Variants in EML5 observed in about 807,000 individuals in gnomAD.
The protein encoded by EML5 is echinoderm microtubule-associated protein-like 5.
Under a neutral mutation model 250.0 loss-of-function variants are expected in EML5, and 120 were observed. That is an observed-to-expected ratio of 0.48 (90% CI 0.41 to 0.56). EML5 has a LOEUF of 0.56. Among genes scored for constraint, EML5 ranks in the 20% least tolerant of loss-of-function variants. The probability of loss-of-function intolerance (pLI) is 0.00; values close to 1 mark genes in which losing one functional copy is unlikely to be tolerated. For synonymous variants in EML5, 771 were observed against 806.5 expected (o/e 0.96, Z 0.75); for missense variants, 2,006 against 2,437.6 (o/e 0.82, Z 3.73).
Position 88,719,214 on chromosome 14 carries a change from A to G in EML5, c.1188-4019T>C, listed in dbSNP as rs114498840. Among the ~76,000 whole-genome samples the G allele has an allele frequency of 6.1e-3, 922 of 152,090 alleles. 9 individuals are homozygous for G. The highest frequency in any genetic ancestry group is 0.02 in the African/African-American group (839 of 41,502). On this transcript the variant is annotated intron_variant, in intron 8 of 43. Coordinates refer to ENST00000554922, the MANE Select transcript of EML5 (RefSeq NM_183387.3). ...CAACTGGGCAAAATGACAAGACCACATCTCTACAAAAAATTAAAACATTAG... is the reference window on the plus strand; with the variant it reads ...CAACTGGGCAAAATGACAAGACCACGTCTCTACAAAAAATTAAAACATTAG...
chr14:88,778,197 CTAAAA>C (rs2094464734), intron 1 of EML5, among the ~76,000 whole-genome samples: 1 of 151,796 alleles, frequency 6.6e-6, no homozygotes, highest in Non-Finnish European at 1.5e-5. Flanking sequence ...ATCACCTTAA[CTAAAA>C]TAAGACCTGA....
At chr14:88,763,592 T>C (rs2094279632) in intron 1 of EML5, among the ~76,000 whole-genome samples, 1 of 152,176 alleles carries the variant, frequency 6.6e-6, no homozygotes, top group South Asian at 2.1e-4. Context: ...GAGGAGCTGG[T>C]ACCATTCCTT....
intron 21 of EML5, among the ~76,000 whole-genome samples, chr14:88,668,604 C>T (rs1402092254): frequency 1.3e-5 from 2 of 151,864 alleles, no homozygotes; most frequent in Non-Finnish European, 2.9e-5. Flanking sequence ...GAGAAGGGCG[C>T]CTCAACTATT....
chr14:88,747,522 A>T (rs1395911827), intron 2 of EML5, among the ~76,000 whole-genome samples: 2 of 152,168 alleles, frequency 1.3e-5, no homozygotes, highest in Non-Finnish European at 2.9e-5. Context: ...AACAAACAGC[A>T]AAGTCGGCCT....
chr14:88,695,208 A>C (rs1342920941), intron 16 of EML5, among the ~76,000 whole-genome samples, 153 bp downstream of exon 16: 4 of 141,384 alleles, frequency 2.8e-5, no homozygotes, highest in Non-Finnish European at 6.3e-5. Flanking sequence ...GAAATCATTT[A>C]CTATGATTAT....
In EML5 at chr14:88,695,444, T is replaced by C; in HGVS notation, c.2355A>G (p.Lys785=). The C allele has an allele frequency of 1.2e-6, 2 of 1,611,940 alleles. No homozygotes were observed. Among genetic ancestry groups the C allele is most frequent in the Non-Finnish European group, 1.7e-6 (2 of 1,179,094 alleles). ...VSAVDFSADG[K]RLASVGIDDS... is the part of the protein sequence containing the mutation. Reference sequence around the variant, plus strand: ...CATCTATGCCAACTGATGCCAAACGTTTCCCATCCGCTGTGGAAAATTAAT... The same window carrying C: ...CATCTATGCCAACTGATGCCAAACGCTTCCCATCCGCTGTGGAAAATTAAT... Residue 785 remains lysine, a synonymous_variant, in exon 16 of 44, where the codon AAA becomes AAG. Transcript: ENST00000554922.
At chr14:88,705,050 T>A in intron 12 of EML5, 72 bp from the exon 13 acceptor site, 1 of 991,628 alleles carries the variant, frequency 1.0e-6, no homozygotes, top group Non-Finnish European at 1.5e-6. Flanking sequence ...ACTCCCAATA[T>A]AACTTTCAGA....
At chr14:88,746,350 C>G in intron 2 of EML5, 67 bp from the exon 3 acceptor site, 1 of 1,289,676 alleles carries the variant, frequency 7.8e-7, no homozygotes, top group Non-Finnish European at 1.1e-6. Flanking sequence ...AACTGAATTA[C>G]AAATAGCAAA....
chr14:88,790,946 C>T (rs184386929), intron 1 of EML5, among the ~76,000 whole-genome samples: 1 of 152,272 alleles, frequency 6.6e-6, no homozygotes, highest in East Asian at 1.9e-4. Context: ...AATGAAATGA[C>T]TTATCAGTTA....
chr14:88,663,179 T>C (rs2092185830), intron 23 of EML5, 60 bp from the exon 24 acceptor site: 1 of 1,118,132 alleles, frequency 8.9e-7, no homozygotes, highest in Non-Finnish European at 1.2e-6. Context: ...ATATATACCA[T>C]CAGTATGATG....
chr14:88,745,939 A>T (rs1452717502), intron 3 of EML5, among the ~76,000 whole-genome samples: 2 of 151,968 alleles, frequency 1.3e-5, no homozygotes, highest in African/African-American at 2.4e-5. Flanking sequence ...AAAGTATAAT[A>T]AAAAAAAGAA....
At chr14:88,714,820 A>G (rs2093466220) in intron 9 of EML5, 119 bp downstream of exon 9, 5 of 957,852 alleles carry the variant, frequency 5.2e-6, no homozygotes, top group Admixed American at 5.4e-5. Context: ...AATGCCTGAA[A>G]TATTAGCTCA....
At chr14:88,639,638 G>A (rs931146800) in intron 31 of EML5, among the ~76,000 whole-genome samples, 2 of 152,120 alleles carry the variant, frequency 1.3e-5, no homozygotes, top group African/African-American at 2.4e-5. Flanking sequence ...GTGCAATGGT[G>A]TAATCCTGGC....
chr14:88,638,850 T>C lies in EML5; in HGVS notation c.4295A>G (p.Gln1432Arg). Residue 1432 changes from glutamine to arginine, a missense_variant, in exon 32 of 44, where the codon CAG becomes CGG. Gln to Arg is a conservative substitution (Grantham distance 43). Coordinates refer to ENST00000554922, the MANE Select transcript of EML5 (RefSeq NM_183387.3). ...CACTATGTTGATAAATTTGGGGTGC[T>C]GGTTTACTGTGAGGCACAGAATATC... ...NDDILCLTVN[Q>R]HPKFINIVAT... is the part of the protein sequence containing the mutation. The C allele has an allele frequency of 1.3e-6, 2 of 1,598,696 alleles. No homozygotes were observed. Among genetic ancestry groups the C allele is most frequent in the Non-Finnish European group, 1.7e-6 (2 of 1,172,106 alleles).
chr14:88,661,021 T>C (rs56251701), intron 25 of EML5, among the ~76,000 whole-genome samples: 27,461 of 152,102 alleles, frequency 0.18, 3,019 homozygotes, highest in East Asian at 0.47. Flanking sequence ...AGAGTTTATA[T>C]TTATTGTTAA....
chr14:88,644,359 G>T, intron 30 of EML5, 74 bp downstream of exon 30: 1 of 1,365,080 alleles, frequency 7.3e-7, no homozygotes, highest in South Asian at 1.3e-5. Context: ...GAAAACTAAT[G>T]ACAAAACTTG....
intron 1 of EML5, among the ~76,000 whole-genome samples, chr14:88,778,733 T>C (rs2094470079): frequency 6.6e-6 from 1 of 152,154 alleles, no homozygotes; most frequent in African/African-American, 2.4e-5. Flanking sequence ...GAGCCAAGAA[T>C]GCGCCACTGC....
intron 1 of EML5, among the ~76,000 whole-genome samples, chr14:88,790,244 T>C (rs1298764760): frequency 1.3e-5 from 2 of 152,246 alleles, no homozygotes; most frequent in Non-Finnish European, 2.9e-5. Context: ...ATGATTCAGA[T>C]TTTACTCCCT....
intron 1 of EML5, among the ~76,000 whole-genome samples, chr14:88,789,435 A>T (rs1424451170): frequency 1.3e-5 from 2 of 152,254 alleles, no homozygotes; most frequent in Admixed American, 1.3e-4. Flanking sequence ...GAAGATGGAG[A>T]ACTACAAGCA....
Sources: gnomAD v4.1 joint callset for allele counts (sites outside exome capture counted in the v4.1 genomes callset) on GRCh38, gnomAD v4.1.1 for gene constraint, MANE v1.5 for transcripts, NCBI Gene and HGNC (gene_info 2026-07-23, HGNC 2026-07-21) for gene names.